Variants in CTNND2 observed in about 807,000 individuals in gnomAD.
CTNND2 encodes catenin delta-2.
In CTNND2, 22 loss-of-function variants were observed where a neutral mutation model predicts 144.4. The ratio of observed to expected loss-of-function variants is 0.15; its 90% confidence interval spans 0.11 to 0.22. CTNND2 has a LOEUF of 0.22. Among genes scored for constraint, CTNND2 ranks in the 10% least tolerant of loss-of-function variants. The probability of loss-of-function intolerance (pLI) is 1.00; values close to 1 mark genes in which losing one functional copy is unlikely to be tolerated. For missense variants in CTNND2, 1,353 were observed against 1,618.8 expected (o/e 0.84, Z 2.82); for synonymous variants, 751 against 695.6 (o/e 1.08, Z -1.25).
intron 2 of CTNND2, among the ~76,000 whole-genome samples, chr5:11,684,513 A>G (rs1432293499): frequency 6.6e-6 from 1 of 152,254 alleles, no homozygotes; most frequent in Non-Finnish European, 1.5e-5. Flanking sequence ...TAGAACATTC[A>G]ATACACTTTA....
intron 9 of CTNND2, among the ~76,000 whole-genome samples, chr5:11,284,423 C>T (rs941736362): frequency 6.6e-6 from 1 of 152,108 alleles, no homozygotes; most frequent in Admixed American, 6.5e-5. Context: ...CCAGCCTGCC[C>T]CCTGGACAGG....
rs539309399 is a variant in CTNND2 at position 11,670,460 on chromosome 5, T to A, written c.174+61676A>T. Among the ~76,000 whole-genome samples, 65 of 152,336 alleles carry A rather than the reference T, an allele frequency of 4.3e-4. 1 individual carries two copies. Among genetic ancestry groups the A allele is most frequent in the Admixed American group, 1.0e-3 (16 of 15,296 alleles). On this transcript the variant is annotated intron_variant, in intron 2 of 21. Transcript: ENST00000304623. ...GCATTGGGTGCATATATATTTAGGA[T>A]AGTTAGCTCTTCTTGTTGCATTGAT...
At chr5:11,098,487 T>C (rs1751576960) in intron 15 of CTNND2, 88 bp downstream of exon 15, 2 of 1,162,164 alleles carry the variant, frequency 1.7e-6, no homozygotes, top group African/African-American at 1.5e-5. Flanking sequence ...TTTATTAGAG[T>C]TGCATTTCTC....
intron 11 of CTNND2, among the ~76,000 whole-genome samples, chr5:11,182,056 TG>T (rs1362119859): frequency 5.7e-5 from 7 of 123,868 alleles, no homozygotes; most frequent in East Asian, 2.6e-4. Context: ...GGGGTGTGTG[TG>T]GGGGGTGTGT....
At chr5:11,496,019 A>C (rs777793720) in intron 3 of CTNND2, among the ~76,000 whole-genome samples, 3 of 152,088 alleles carry the variant, frequency 2.0e-5, no homozygotes, top group Non-Finnish European at 4.4e-5. Context: ...ATGCTGTCTC[A>C]GGTCTTTTCC....
chr5:11,754,101 T>C (rs1366664012), intron 1 of CTNND2, among the ~76,000 whole-genome samples: 1 of 151,622 alleles, frequency 6.6e-6, no homozygotes, highest in East Asian at 1.9e-4. Context: ...ATATCAATCT[T>C]ATTTATTCTT....
intron 1 of CTNND2, among the ~76,000 whole-genome samples, chr5:11,856,413 C>A (rs1189894959): frequency 3.3e-5 from 5 of 152,054 alleles, no homozygotes; most frequent in Non-Finnish European, 7.4e-5. Context: ...TTTTTCAGCA[C>A]AAAGTTGCTG....
At chr5:11,676,373 A>G (rs1478333527) in intron 2 of CTNND2, among the ~76,000 whole-genome samples, 3 of 152,088 alleles carry the variant, frequency 2.0e-5, no homozygotes, top group Non-Finnish European at 4.4e-5. Context: ...CGTATCATAT[A>G]TCTTTAGTAT....
intron 2 of CTNND2, among the ~76,000 whole-genome samples, chr5:11,636,355 A>C (rs190184548): frequency 6.6e-6 from 1 of 152,230 alleles, no homozygotes; most frequent in African/African-American, 2.4e-5. Flanking sequence ...AATATCTATT[A>C]AAGTAAGAAG....
intron 1 of CTNND2, among the ~76,000 whole-genome samples, chr5:11,847,013 T>G (rs1290019954): frequency 1.3e-5 from 2 of 151,374 alleles, no homozygotes; most frequent in African/African-American, 2.4e-5. Context: ...GTTCAGCTAT[T>G]ACAGAAAACA....
intron 1 of CTNND2, among the ~76,000 whole-genome samples, chr5:11,786,884 C>T (rs1281324611): frequency 2.0e-5 from 3 of 152,228 alleles, no homozygotes; most frequent in South Asian, 4.1e-4. Flanking sequence ...AACATTTTCC[C>T]GAATAGAGTT....
intron 3 of CTNND2, among the ~76,000 whole-genome samples, chr5:11,557,510 C>G (rs1776324860): frequency 6.6e-6 from 1 of 152,116 alleles, no homozygotes; most frequent in Admixed American, 6.6e-5. Flanking sequence ...CCACAAAGCC[C>G]CTCCGTCTTC....
chr5:11,222,446 C>A (rs1230362954), intron 10 of CTNND2, among the ~76,000 whole-genome samples: 2 of 152,118 alleles, frequency 1.3e-5, no homozygotes, highest in African/African-American at 4.8e-5. Flanking sequence ...CATTTCATCA[C>A]AATATTGGTC....
chr5:11,707,302 A>T (rs946795323), intron 2 of CTNND2, among the ~76,000 whole-genome samples: 1 of 152,190 alleles, frequency 6.6e-6, no homozygotes, highest in African/African-American at 2.4e-5. Flanking sequence ...ACAAGGTGTG[A>T]CTGCAGAAAC....
At chr5:11,690,216 G>T (rs981500872) in intron 2 of CTNND2, among the ~76,000 whole-genome samples, 3 of 152,144 alleles carry the variant, frequency 2.0e-5, no homozygotes, top group African/African-American at 7.2e-5. Context: ...TGTATCCACC[G>T]ACTGGTGCAG....
chr5:11,769,040 T>A (rs1010636775), intron 1 of CTNND2, among the ~76,000 whole-genome samples: 1 of 152,180 alleles, frequency 6.6e-6, no homozygotes, highest in African/African-American at 2.4e-5. Flanking sequence ...CAGAATCACA[T>A]CAGTGGTTCT....
chr5:11,203,007 A>G (rs376373578), intron 10 of CTNND2, among the ~76,000 whole-genome samples: 5 of 151,848 alleles, frequency 3.3e-5, no homozygotes, highest in Non-Finnish European at 7.4e-5. Flanking sequence ...ATTTCATCAT[A>G]CTGGTCAGGC....
intron 1 of CTNND2, among the ~76,000 whole-genome samples, chr5:11,860,748 A>T (rs1449648200): frequency 6.6e-6 from 1 of 152,206 alleles, no homozygotes; most frequent in Non-Finnish European, 1.5e-5. Flanking sequence ...CCACAGTTGT[A>T]GCATTTAAAT....
rs75807235 is a variant in CTNND2, at chr5:11,196,075, C to G, written c.1975+3373G>C. On this transcript the variant is annotated intron_variant, in intron 11 of 21. Transcript: ENST00000304623. ...GCTGAATGTAAATGCATGTAAATAT[C>G]TCAATTTTAACTCTTTATCATTGTT... is the stretch of plus-strand genomic sequence containing the variant. Among the ~76,000 whole-genome samples, 1,327 of 152,278 alleles carry G rather than the reference C, an allele frequency of 8.7e-3. 16 individuals are homozygous for G. Among genetic ancestry groups the G allele is most frequent in the South Asian group, 0.055 (266 of 4,824 alleles).
Sources: allele counts gnomAD v4.1 joint callset (sites outside exome capture counted in the v4.1 genomes callset), GRCh38; gene constraint gnomAD v4.1.1; transcripts MANE v1.5; gene names NCBI Gene and HGNC (gene_info 2026-07-23, HGNC 2026-07-21).